Variants in LOC128462377 observed in about 807,000 individuals in gnomAD.
At chr16:89,348,922 G>C in the LOC128462377 span, among the ~76,000 whole-genome samples, 3 of 148,218 alleles carry the variant, frequency 2.0e-5, no homozygotes, top group African/African-American at 7.4e-5. Context: ...GAAATCACGA[G>C]TTCAAGACCA....
the LOC128462377 span, among the ~76,000 whole-genome samples, chr16:89,409,199 C>T: frequency 5.8e-4 from 89 of 152,318 alleles, no homozygotes; most frequent in East Asian, 0.017. Flanking sequence ...TGAGCTCACA[C>T]ACCTGATGAC....
the LOC128462377 span, among the ~76,000 whole-genome samples, chr16:89,389,764 GAGA>G: frequency 2.6e-3 from 366 of 141,604 alleles, 1 homozygote; most frequent in African/African-American, 8.8e-3. Flanking sequence ...AGCACCGAGA[GAGA>G]AGATCACTGG....
the LOC128462377 span, among the ~76,000 whole-genome samples, chr16:89,337,178 C>T: frequency 1.3e-5 from 2 of 151,900 alleles, no homozygotes; most frequent in Admixed American, 1.3e-4. Flanking sequence ...AGAGTGAGAC[C>T]CTGTCTCAAA....
At chr16:89,395,175 A>G in the LOC128462377 span, among the ~76,000 whole-genome samples, 1 of 152,252 alleles carries the variant, frequency 6.6e-6, no homozygotes, top group Non-Finnish European at 1.5e-5. Flanking sequence ...CTCCTGGTCT[A>G]AAAAGTTAGA....
chr16:89,387,210 A>G, the LOC128462377 span, among the ~76,000 whole-genome samples: 1 of 151,864 alleles, frequency 6.6e-6, no homozygotes, highest in Non-Finnish European at 1.5e-5. Context: ...AACACACAGG[A>G]AGATCTGGAG....
the LOC128462377 span, chr16:89,317,146 G>T: frequency 2.0e-6 from 2 of 1,025,028 alleles, no homozygotes; most frequent in South Asian, 1.4e-5. Flanking sequence ...CTCTCACACC[G>T]CACTCAACAG....
chr16:89,413,874 TG>T, the LOC128462377 span, among the ~76,000 whole-genome samples: 1 of 152,018 alleles, frequency 6.6e-6, no homozygotes, highest in African/African-American at 2.4e-5. Context: ...AAGGCCAGAC[TG>T]GGGGGAGGCA....
At chr16:89,415,046 GTGA>G in the LOC128462377 span, among the ~76,000 whole-genome samples, 14 of 152,156 alleles carry the variant, frequency 9.2e-5, no homozygotes, top group Middle Eastern at 3.4e-3. Flanking sequence ...CTGGGCTCAA[GTGA>G]TCCTTCCTCC....
chr16:89,396,723 GT>G, the LOC128462377 span, among the ~76,000 whole-genome samples: 8 of 152,180 alleles, frequency 5.3e-5, no homozygotes, highest in African/African-American at 1.9e-4. Context: ...GTTTTACTCT[GT>G]CGCCCAGGCT....
the LOC128462377 span, among the ~76,000 whole-genome samples, chr16:89,413,833 G>T: frequency 1.3e-5 from 2 of 152,252 alleles, no homozygotes; most frequent in East Asian, 3.9e-4. Flanking sequence ...ATGCAGAGGG[G>T]CCTGCCCAGA....
At chr16:89,368,160 A>G in the LOC128462377 span, among the ~76,000 whole-genome samples, 1 of 151,802 alleles carries the variant, frequency 6.6e-6, no homozygotes, top group South Asian at 2.1e-4. Context: ...CCAGATTCCA[A>G]CAATTCCAAC....
the LOC128462377 span, among the ~76,000 whole-genome samples, chr16:89,407,696 C>A: frequency 2.6e-5 from 4 of 151,952 alleles, no homozygotes; most frequent in African/African-American, 7.2e-5. Context: ...TAGACACACA[C>A]AGAATTAGCC....
At chr16:89,355,822 T>G in the LOC128462377 span, among the ~76,000 whole-genome samples, 1 of 152,208 alleles carries the variant, frequency 6.6e-6, no homozygotes, top group Admixed American at 6.5e-5. Context: ...GGCAAGGGTC[T>G]GTGGCTCTCC....
the LOC128462377 span, among the ~76,000 whole-genome samples, chr16:89,347,486 C>A: frequency 6.6e-6 from 1 of 151,906 alleles, no homozygotes; most frequent in African/African-American, 2.4e-5. Context: ...TGGCAGGCGC[C>A]GGTAGTCCCA....
the LOC128462377 span, among the ~76,000 whole-genome samples, chr16:89,367,579 G>A: frequency 6.6e-6 from 1 of 152,100 alleles, no homozygotes; most frequent in East Asian, 1.9e-4. Context: ...TTCCTGACCC[G>A]TCCCTCCTCA....
chr16:89,407,193 TA>T, the LOC128462377 span, among the ~76,000 whole-genome samples: 31 of 119,816 alleles, frequency 2.6e-4, no homozygotes, highest in South Asian at 1.5e-3. Context: ...CTCAAAAAGA[TA>T]AAAAAAAAAG....
chr16:89,318,572 G>A, the LOC128462377 span, among the ~76,000 whole-genome samples: 1 of 151,496 alleles, frequency 6.6e-6, no homozygotes, highest in Non-Finnish European at 1.5e-5. Flanking sequence ...CCATCTGTGA[G>A]TGGCAGCTCC....
chr16:89,354,257 AAAAG>A, the LOC128462377 span, among the ~76,000 whole-genome samples: 9 of 151,972 alleles, frequency 5.9e-5, no homozygotes, highest in Non-Finnish European at 1.3e-4. Context: ...AAAAAAAAAA[AAAAG>A]AAAACTTCAT....
chr16:89,342,755 A>G, the LOC128462377 span, among the ~76,000 whole-genome samples: 37 of 152,342 alleles, frequency 2.4e-4, 1 homozygote, highest in African/African-American at 8.7e-4. Context: ...ATTAAATACT[A>G]AATACTCTAA....
Sources: allele counts gnomAD v4.1 joint callset (sites outside exome capture counted in the v4.1 genomes callset), GRCh38; gene constraint gnomAD v4.1.1; transcripts MANE v1.5.